DIP2B: variants seen among roughly 807,000 people sequenced by gnomAD.
DIP2B encodes DIP2 acetate--CoA ligase B (putative), also known as disco-interacting protein 2 homolog B.
Under a neutral mutation model 198.0 loss-of-function variants are expected in DIP2B, and 76 were observed. The observed-to-expected ratio is 0.38, with a 90% confidence interval of 0.32 to 0.46. The LOEUF (loss-of-function observed/expected upper bound fraction) is 0.46, where lower values mean the gene tolerates loss of function less well. DIP2B is among the 20% of genes least tolerant of loss of function. The probability of loss-of-function intolerance (pLI) is 0.99; values close to 1 mark genes in which losing one functional copy is unlikely to be tolerated. For synonymous variants in DIP2B, 701 were observed against 739.1 expected (o/e 0.95, Z 0.84); for missense variants, 1,559 against 1,978.4 (o/e 0.79, Z 4.02).
intron 18 of DIP2B, 57 bp from the exon 19 acceptor site, chr12:50,699,008 TA>T (rs1939368665): frequency 6.3e-7 from 1 of 1,591,616 alleles, no homozygotes; most frequent in Non-Finnish European, 8.6e-7. Flanking sequence ...ATGAAGCTGT[TA>T]TTTTACAAAA....
chr12:50,587,672 A>G (rs1229327277), intron 1 of DIP2B, among the ~76,000 whole-genome samples: 1 of 152,008 alleles, frequency 6.6e-6, no homozygotes, highest in East Asian at 1.9e-4. Flanking sequence ...CTATGTTTTG[A>G]GATCTTATAT....
intron 35 of DIP2B, among the ~76,000 whole-genome samples, chr12:50,737,933 T>C (rs1940167699): frequency 6.6e-6 from 1 of 152,156 alleles, no homozygotes; most frequent in Non-Finnish European, 1.5e-5. Flanking sequence ...CGTAGCTGAA[T>C]GGGAGGAGTC....
Position 50,660,191 on chromosome 12 carries a change from C to A in DIP2B, c.302-3C>A. The A allele has an allele frequency of 6.3e-7, 1 of 1,599,252 alleles. No individual in the cohort carries two copies. The highest frequency in any genetic ancestry group is 8.5e-7 in the Non-Finnish European group (1 of 1,173,012). ...TAATAAATGCAAATGTTTGCTTTTT[C>A]AGATATCCACACAGAAGCAGTTCAG... On this transcript the variant is annotated splice_polypyrimidine_tract_variant and splice_region_variant and intron_variant, in intron 3 of 37. Transcript: ENST00000301180.
At chr12:50,546,955 A>G (rs1412496116) in intron 1 of DIP2B, among the ~76,000 whole-genome samples, 1 of 152,090 alleles carries the variant, frequency 6.6e-6, no homozygotes, top group Admixed American at 6.5e-5. Flanking sequence ...ATACCACTCT[A>G]TTTGGCTGTA....
At chr12:50,562,661 G>A (rs1958529463) in intron 1 of DIP2B, among the ~76,000 whole-genome samples, 1 of 151,684 alleles carries the variant, frequency 6.6e-6, no homozygotes, top group Non-Finnish European at 1.5e-5. Context: ...TGAGCCTGGG[G>A]AAGTTGTCGA....
chr12:50,717,031 GGCTCACT>G (rs1380124331), intron 23 of DIP2B, among the ~76,000 whole-genome samples: 1 of 131,086 alleles, frequency 7.6e-6, no homozygotes, highest in Non-Finnish European at 1.6e-5. Flanking sequence ...AGCGTGATCT[GGCTCACT>G]GCAACCTCTG....
chr12:50,572,026 T>C (rs1308640791), intron 1 of DIP2B, among the ~76,000 whole-genome samples: 1 of 152,194 alleles, frequency 6.6e-6, no homozygotes, highest in Non-Finnish European at 1.5e-5. Flanking sequence ...AGCCTTCTCT[T>C]TAGAGTTTGT....
intron 32 of DIP2B, among the ~76,000 whole-genome samples, chr12:50,733,058 A>G (rs1041034276): frequency 2.6e-5 from 4 of 151,796 alleles, no homozygotes; most frequent in African/African-American, 9.7e-5. Flanking sequence ...GGCGTGTACC[A>G]CCACGCCCGG....
chr12:50,666,748 G>C (rs1022111553), intron 4 of DIP2B, among the ~76,000 whole-genome samples: 7 of 151,818 alleles, frequency 4.6e-5, no homozygotes, highest in Admixed American at 4.6e-4. Context: ...GAGGCCGGGC[G>C]TGGTGGCTCA....
intron 36 of DIP2B, among the ~76,000 whole-genome samples, chr12:50,740,338 G>C (rs957393687): frequency 4.6e-5 from 7 of 152,212 alleles, no homozygotes; most frequent in African/African-American, 1.7e-4. Flanking sequence ...TCCCTGCCTG[G>C]TGCCCTGGTT....
At chr12:50,703,497 T>C (rs143955919) in intron 19 of DIP2B, among the ~76,000 whole-genome samples, 1 of 152,218 alleles carries the variant, frequency 6.6e-6, no homozygotes, top group Non-Finnish European at 1.5e-5. Context: ...AGTGAAAAAT[T>C]ATAATGGCCT....
chr12:50,560,235 A>G (rs1958507186), intron 1 of DIP2B, among the ~76,000 whole-genome samples: 1 of 152,058 alleles, frequency 6.6e-6, no homozygotes, highest in African/African-American at 2.4e-5. Context: ...TCTACTAAAA[A>G]TACAAAAAAA....
chr12:50,521,420 C>A (rs1020096081), intron 1 of DIP2B, among the ~76,000 whole-genome samples: 1 of 151,116 alleles, frequency 6.6e-6, no homozygotes, highest in African/African-American at 2.4e-5. Flanking sequence ...ACAGTTTTAA[C>A]TCTTAATTTG....
At chr12:50,718,302 C>T (rs903544256) in intron 23 of DIP2B, among the ~76,000 whole-genome samples, 4 of 152,126 alleles carry the variant, frequency 2.6e-5, no homozygotes, top group East Asian at 3.8e-4. Flanking sequence ...TTGTTAAGCC[C>T]TCTTTTAGGG....
intron 19 of DIP2B, among the ~76,000 whole-genome samples, chr12:50,702,628 CG>C (rs1052652403): frequency 6.8e-6 from 1 of 147,410 alleles, no homozygotes; most frequent in African/African-American, 2.5e-5. Flanking sequence ...GAGTGTGACA[CG>C]GGGGATCACA....
At chr12:50,715,483 AG>A (rs1339769712) in intron 23 of DIP2B, among the ~76,000 whole-genome samples, 2 of 152,082 alleles carry the variant, frequency 1.3e-5, no homozygotes, top group African/African-American at 4.8e-5. Context: ...GCATATTTAA[AG>A]CTTCTGTTTG....
intron 3 of DIP2B, among the ~76,000 whole-genome samples, chr12:50,649,085 C>A (rs902310593): frequency 6.6e-6 from 1 of 151,980 alleles, no homozygotes; most frequent in East Asian, 1.9e-4. Flanking sequence ...AACTTTAAAA[C>A]CCTGAAAGAC....
chr12:50,734,761 G>A (rs1376857368), intron 33 of DIP2B, among the ~76,000 whole-genome samples: 7 of 152,172 alleles, frequency 4.6e-5, no homozygotes, highest in Admixed American at 4.6e-4. Context: ...TGAAACCTGG[G>A]AAGATTTTGC....
At position 50,732,375 on chromosome 12, in the gene DIP2B, A is replaced by G. The variant is rs150532185; in HGVS notation, c.3820A>G (p.Ile1274Val). The G allele has an allele frequency of 1.2e-6, 2 of 1,614,186 alleles. No homozygotes were observed. The highest frequency in any genetic ancestry group is 1.3e-5 in the African/African-American group (1 of 75,036). The change falls in exon 32 of 38, where the codon ATC becomes GTC. Residue 1274 changes from isoleucine (I) to valine (V), a missense_variant. Ile to Val is a conservative substitution (Grantham distance 29, BLOSUM62 3). Coordinates refer to ENST00000301180, the MANE Select transcript of DIP2B (RefSeq NM_173602.3). ...NQVEVLKTRGINLSCVRTCVV... is the reference protein window; with the variant it reads ...NQVEVLKTRGVNLSCVRTCVV... Reference sequence around the variant, plus strand: ...TAATGGTGTCTTGCAGACCAGAGGGATCAACCTCTCCTGCGTCCGGACCTG... The same window carrying G: ...TAATGGTGTCTTGCAGACCAGAGGGGTCAACCTCTCCTGCGTCCGGACCTG...
Sources: gnomAD v4.1 joint callset for allele counts (sites outside exome capture counted in the v4.1 genomes callset) on GRCh38, gnomAD v4.1.1 for gene constraint, MANE v1.5 for transcripts, NCBI Gene and HGNC (gene_info 2026-07-23, HGNC 2026-07-21) for gene names.